BAZ2B: variants seen among roughly 807,000 people sequenced by gnomAD.
BAZ2B encodes bromodomain adjacent to zinc finger domain 2B, also known as bromodomain adjacent to zinc finger domain protein 2B.
Under a neutral mutation model 246.0 loss-of-function variants are expected in BAZ2B, and 91 were observed. The ratio of observed to expected loss-of-function variants is 0.37; its 90% CI spans 0.31 to 0.44. BAZ2B has a LOEUF of 0.44. Ranked by LOEUF, BAZ2B falls within the 20% of genes least tolerant of loss-of-function variation. The pLI, the probability that BAZ2B is intolerant of heterozygous loss-of-function variation, is 1.00. For synonymous variants in BAZ2B, 855 were observed against 860.0 expected, an observed-to-expected ratio of 0.99 and a Z score of 0.10; for missense variants, 2,332 against 2,533.7, an observed-to-expected ratio of 0.92 and a Z score of 1.71.
the BAZ2B span, chr2:159,690,038 T>G: frequency 2.3e-6 from 1 of 429,892 alleles, no homozygotes; most frequent in Non-Finnish European, 4.3e-6. Context: ...GTTGGGCAGT[T>G]TTTGCCCTGA....
At chr2:159,335,051 T>C (rs925435409) in intron 33 of BAZ2B, among the ~76,000 whole-genome samples, 2 of 152,248 alleles carry the variant, frequency 1.3e-5, no homozygotes, top group East Asian at 3.9e-4. Context: ...GCTGGGACTA[T>C]CAGCATGCAC....
At position 159,429,363 on chromosome 2, in the gene BAZ2B, G is replaced by C. The variant is rs1291540306; in HGVS notation, c.2195-103C>G. On this transcript the variant is annotated intron_variant, in intron 10 of 36. Transcript: ENST00000392783. ...TTAAAAAAGTATATGTTAATAACTT[G>C]GATTTAGTGTATTTCTGTAATTTAT... 5 of 623,136 alleles carry C rather than the reference G, an allele frequency of 8.0e-6. No individual in the cohort carries two copies. In the East Asian group the frequency reaches 1.2e-4, roughly 15 times the overall value. 38.6% of individuals were successfully genotyped at this position (623,136 alleles called of 1,614,324 possible).
intron 3 of BAZ2B, chr2:159,462,241 A>G: frequency 1.8e-6 from 1 of 553,734 alleles, no homozygotes; most frequent in African/African-American, 1.9e-5. Flanking sequence ...AGACAATGCT[A>G]TAGGTTCAAC....
intron 1 of BAZ2B, among the ~76,000 whole-genome samples, chr2:159,571,451 C>G (rs984679816): frequency 6.6e-6 from 1 of 152,082 alleles, no homozygotes; most frequent in Admixed American, 6.6e-5. Flanking sequence ...CTGGAATTTA[C>G]TGTCTCTTAT....
intron 1 of BAZ2B, among the ~76,000 whole-genome samples, chr2:159,572,792 T>A (rs1402900251): frequency 6.6e-6 from 1 of 152,156 alleles, no homozygotes; most frequent in Non-Finnish European, 1.5e-5. Context: ...TAAGCCAACA[T>A]CCATTACCAA....
chr2:159,574,975 AAAAAG>A (rs1280337768), intron 1 of BAZ2B, among the ~76,000 whole-genome samples: 6 of 152,152 alleles, frequency 3.9e-5, no homozygotes, highest in African/African-American at 4.8e-5. Context: ...ATCTCAAAAA[AAAAAG>A]AAAAGAAAAG....
At chr2:159,644,452 G>A in the BAZ2B span, among the ~76,000 whole-genome samples, 1 of 152,162 alleles carries the variant, frequency 6.6e-6, no homozygotes, top group Non-Finnish European at 1.5e-5. Flanking sequence ...TGCACCTGTG[G>A]CTCTCTGTGA....
chr2:159,706,840 G>A, the BAZ2B span, among the ~76,000 whole-genome samples: 1 of 152,162 alleles, frequency 6.6e-6, no homozygotes, highest in Admixed American at 6.6e-5. Context: ...TGTAGAAGTG[G>A]TTAATATCTA....
chr2:159,412,076 G>T, intron 14 of BAZ2B: 2 of 590,108 alleles, frequency 3.4e-6, no homozygotes, highest in Non-Finnish European at 4.3e-6. Context: ...TTCTGTGCAA[G>T]CCTTAAAAGC....
In BAZ2B at chr2:159,526,952, CT is replaced by C. The variant is rs754477480; in HGVS notation, c.-3+28870del. 5.9e-3 allele frequency among the ~76,000 whole-genome samples: 827 copies of C among 140,344 alleles called. 4 individuals carry two copies. The highest frequency in any genetic ancestry group is 0.012 in the African/African-American group (470 of 38,660). The allele number at this position is 140,344 out of a possible 152,430, so 92.1% of individuals were successfully genotyped here. A position where few individuals can be genotyped will look rare whatever the true frequency, so the allele number is the denominator to read the frequency against. Reference sequence around the variant, plus strand: ...TTATATAGTAAGTGTGTGTTTCTTCCTTTTTTTTTTTTTGAAACTGCAAACT... The same window carrying C: ...TTATATAGTAAGTGTGTGTTTCTTCCTTTTTTTTTTTTGAAACTGCAAACT... On this transcript the variant is annotated intron_variant, in intron 2 of 36. Transcript: ENST00000392783.
the BAZ2B span, among the ~76,000 whole-genome samples, chr2:159,665,962 C>T: frequency 6.6e-6 from 1 of 152,136 alleles, no homozygotes; most frequent in Non-Finnish European, 1.5e-5. Context: ...TCCCTGTTGA[C>T]TAATGATGTT....
intron 3 of BAZ2B, among the ~76,000 whole-genome samples, chr2:159,472,297 T>C (rs2077904287): frequency 6.6e-6 from 1 of 152,260 alleles, no homozygotes; most frequent in African/African-American, 2.4e-5. Flanking sequence ...TTTTTGCACA[T>C]TGATTTTGTA....
the BAZ2B span, among the ~76,000 whole-genome samples, chr2:159,624,415 G>A: frequency 6.6e-6 from 1 of 152,152 alleles, no homozygotes; most frequent in Non-Finnish European, 1.5e-5. Context: ...CTCCCAGTAG[G>A]GGCTGACAGA....
At position 159,349,819 on chromosome 2, in the gene BAZ2B, C is replaced by T. The variant is rs1322328299; in HGVS notation, c.4752G>A (p.Val1584=). ...THADMSTASL[V]TPQSQPPSKS... is the part of the protein sequence containing the mutation. The stretch of plus-strand genomic sequence containing the variant: ...TAGATGGTGGCTGAGACTGAGGAGT[C>T]ACCAAAGAAGCAGTTGACATATCGG... Residue 1584 remains valine (V), a synonymous_variant, in exon 28 of 37, where the codon GTG becomes GTA. Coordinates refer to ENST00000392783, the MANE Select transcript of BAZ2B (RefSeq NM_013450.4). 2 of 1,614,122 alleles carry T rather than the reference C, an allele frequency of 1.2e-6. No individual in the cohort carries two copies. Among genetic ancestry groups the T allele is most frequent in the Non-Finnish European group, 1.7e-6 (2 of 1,180,012 alleles).
At chr2:159,590,269 CAAAAAAAAA>C (rs34798154) in intron 1 of BAZ2B, among the ~76,000 whole-genome samples, 1 of 69,318 alleles carries the variant, frequency 1.4e-5, no homozygotes, top group Non-Finnish European at 2.8e-5. Flanking sequence ...ATCTTCCACT[CAAAAAAAAA>C]AAAAAAAAAG....
At chr2:159,413,490 C>A (rs544728456) in intron 13 of BAZ2B, among the ~76,000 whole-genome samples, 4 of 152,116 alleles carry the variant, frequency 2.6e-5, no homozygotes, top group African/African-American at 9.6e-5. Context: ...GGCAGATCAC[C>A]TGAGGTCAGG....
the BAZ2B span, among the ~76,000 whole-genome samples, chr2:159,679,071 G>C: frequency 0.063 from 9,587 of 152,146 alleles, 398 homozygotes; most frequent in Middle Eastern, 0.14. Context: ...AGGAGGTCGA[G>C]ACCATCCTGG....
chr2:159,690,783 A>G, the BAZ2B span, among the ~76,000 whole-genome samples: 5 of 152,324 alleles, frequency 3.3e-5, no homozygotes, highest in Admixed American at 6.5e-5. Context: ...TCAGTTTGCT[A>G]AACCCTGCTC....
At chr2:159,447,479 T>C (rs1417409045) in intron 5 of BAZ2B, among the ~76,000 whole-genome samples, 1 of 152,148 alleles carries the variant, frequency 6.6e-6, no homozygotes, top group Non-Finnish European at 1.5e-5. Context: ...TCATCTAAAA[T>C]GTTGTTATAA....
Sources: gnomAD v4.1 joint callset for allele counts (sites outside exome capture counted in the v4.1 genomes callset) on GRCh38, gnomAD v4.1.1 for gene constraint, MANE v1.5 for transcripts, NCBI Gene and HGNC (gene_info 2026-07-23, HGNC 2026-07-21) for gene names.